Variants in SUPT3H observed in about 807,000 individuals in gnomAD.
SUPT3H encodes the protein SPT3 homolog, SAGA and STAGA complex component, also known as transcription initiation protein SPT3 homolog.
In SUPT3H, 44 loss-of-function variants were observed where a neutral mutation model predicts 44.3. The observed-to-expected ratio is 0.99, with a 90% CI of 0.78 to 1.28. SUPT3H has a LOEUF of 1.28. Ranked by LOEUF, SUPT3H falls within the 50% of genes most tolerant of loss-of-function variation. SUPT3H has a pLI of 0.00. For missense variants in SUPT3H, 380 were observed against 387.1 expected (o/e 0.98, Z 0.15); for synonymous variants, 124 against 125.6 (o/e 0.99, Z 0.09).
chr6:44,893,376 C>G (rs577610299), intron 10 of SUPT3H, among the ~76,000 whole-genome samples: 10 of 152,106 alleles, frequency 6.6e-5, no homozygotes, highest in South Asian at 2.1e-4. Context: ...ATCCCTCCCC[C>G]CTGCCCCCAC....
rs745793741 is a variant in SUPT3H at position 45,014,754 on chromosome 6, C to T, written c.364+47G>A. 3.0e-6 allele frequency: 4 copies of T among 1,354,012 alleles called. No homozygotes were observed. The South Asian group carries it at 4.3e-5, about 15-fold the overall frequency. The allele number at this position is 1,354,012 out of a possible 1,614,324, so 83.9% of individuals were successfully genotyped here. On this transcript the variant is annotated intron_variant, in intron 5 of 10. Coordinates refer to ENST00000371459, the MANE Select transcript of SUPT3H (RefSeq NM_003599.4). ...TTGCATAAATGTGTTATCCAGCACA[C>T]ATGTGTCATAAGCTCATGTTTTAGT... is the stretch of plus-strand genomic sequence containing the variant.
chr6:45,125,927 G>A (rs964741074), intron 2 of SUPT3H, among the ~76,000 whole-genome samples: 52 of 151,136 alleles, frequency 3.4e-4, no homozygotes, highest in African/African-American at 1.1e-3. Context: ...TCAGTTATTC[G>A]TATCCCATCC....
At chr6:45,244,340 TA>T (rs1770961603) in intron 2 of SUPT3H, among the ~76,000 whole-genome samples, 1 of 152,212 alleles carries the variant, frequency 6.6e-6, no homozygotes, top group South Asian at 2.1e-4. Flanking sequence ...GAGCTGCATA[TA>T]AAGATAAAAC....
intron 2 of SUPT3H, among the ~76,000 whole-genome samples, chr6:45,316,703 T>C (rs1784752835): frequency 1.3e-5 from 2 of 152,200 alleles, no homozygotes; most frequent in African/African-American, 4.8e-5. Context: ...AGAAATAAAT[T>C]TGACCAAAGA....
chr6:45,315,102 T>A (rs562938341), intron 2 of SUPT3H, among the ~76,000 whole-genome samples: 1 of 152,222 alleles, frequency 6.6e-6, no homozygotes, highest in Non-Finnish European at 1.5e-5. Flanking sequence ...AGAATGAAAC[T>A]CGATCCTCAT....
At chr6:45,171,438 A>G (rs1810752350) in intron 2 of SUPT3H, among the ~76,000 whole-genome samples, 1 of 152,204 alleles carries the variant, frequency 6.6e-6, no homozygotes, top group Admixed American at 6.5e-5. Context: ...CAATACCAAC[A>G]CTGAATAAAT....
intron 2 of SUPT3H, among the ~76,000 whole-genome samples, chr6:45,283,966 C>A (rs140151590): frequency 0.029 from 4,484 of 152,170 alleles, 109 homozygotes; most frequent in Non-Finnish European, 0.046. Flanking sequence ...GTAAACGGAA[C>A]AACCTGCTCC....
intron 2 of SUPT3H, among the ~76,000 whole-genome samples, chr6:45,209,544 C>G (rs1256208526): frequency 9.9e-5 from 15 of 152,196 alleles, no homozygotes; most frequent in Non-Finnish European, 1.3e-4. Context: ...TGTTGTGTGA[C>G]TAAAGTGCTG....
chr6:45,243,768 C>A (rs1049842894), intron 2 of SUPT3H, among the ~76,000 whole-genome samples: 3 of 152,164 alleles, frequency 2.0e-5, no homozygotes, highest in Non-Finnish European at 4.4e-5. Context: ...CAATAAATAT[C>A]ATTCTGAATT....
At chr6:44,996,066 C>T (rs1438344122) in intron 6 of SUPT3H, among the ~76,000 whole-genome samples, 1 of 151,806 alleles carries the variant, frequency 6.6e-6, no homozygotes, top group Non-Finnish European at 1.5e-5. Flanking sequence ...TGAATGTGCA[C>T]ATGAACAAAA....
intron 2 of SUPT3H, among the ~76,000 whole-genome samples, chr6:45,293,525 A>C (rs1301823758): frequency 6.6e-6 from 1 of 152,150 alleles, no homozygotes; most frequent in Non-Finnish European, 1.5e-5. Context: ...ATCAAAAAAA[A>C]AATACAAAAG....
At chr6:45,116,404 ATTAAT>A (rs1288983836) in intron 2 of SUPT3H, among the ~76,000 whole-genome samples, 1 of 152,116 alleles carries the variant, frequency 6.6e-6, no homozygotes, top group African/African-American at 2.4e-5. Flanking sequence ...CTTTATCTGT[ATTAAT>A]TTTTCTTTAA....
At chr6:44,951,517 G>A (rs1335891119) in intron 9 of SUPT3H, among the ~76,000 whole-genome samples, 1 of 152,056 alleles carries the variant, frequency 6.6e-6, no homozygotes, top group Non-Finnish European at 1.5e-5. Flanking sequence ...TTGACTACCA[G>A]TCACAGGAGG....
At chr6:45,310,108 A>C (rs1783712686) in intron 2 of SUPT3H, among the ~76,000 whole-genome samples, 2 of 152,180 alleles carry the variant, frequency 1.3e-5, no homozygotes, top group Non-Finnish European at 2.9e-5. Context: ...GGTGGGAATG[A>C]GACCAGCCTT....
chr6:44,949,459 A>T (rs1773926989), intron 9 of SUPT3H, among the ~76,000 whole-genome samples: 1 of 152,110 alleles, frequency 6.6e-6, no homozygotes. Context: ...AAAGAAAAAA[A>T]TTGGATAAAT....
intron 6 of SUPT3H, among the ~76,000 whole-genome samples, chr6:44,988,684 G>C (rs982161967): frequency 2.0e-5 from 3 of 151,888 alleles, no homozygotes; most frequent in South Asian, 2.1e-4. Context: ...TTCCCTAGGA[G>C]AGTACCTAGA....
At chr6:45,142,264 CA>C (rs1165631858) in intron 2 of SUPT3H, among the ~76,000 whole-genome samples, 6 of 152,036 alleles carry the variant, frequency 3.9e-5, no homozygotes, top group Admixed American at 6.6e-5. Flanking sequence ...AATCTTGAAA[CA>C]AAACCTTGCA....
At chr6:45,358,538 T>C (rs1342106635) in intron 2 of SUPT3H, among the ~76,000 whole-genome samples, 2 of 152,204 alleles carry the variant, frequency 1.3e-5, no homozygotes, top group Non-Finnish European at 2.9e-5. Context: ...TTAATCAGTA[T>C]GTTGATGATG....
At chr6:45,042,975 C>A (rs1426343333) in intron 3 of SUPT3H, among the ~76,000 whole-genome samples, 1 of 152,130 alleles carries the variant, frequency 6.6e-6, no homozygotes, top group Non-Finnish European at 1.5e-5. Context: ...CCTTTCTCAA[C>A]ATTTTGTTCA....
Sources: allele counts gnomAD v4.1 joint callset (sites outside exome capture counted in the v4.1 genomes callset), GRCh38; gene constraint gnomAD v4.1.1; transcripts MANE v1.5; gene names NCBI Gene and HGNC (gene_info 2026-07-23, HGNC 2026-07-21).